The following HNRNPLL variants were observed in gnomAD, a reference collection of about 807,000 sequenced individuals.
HNRNPLL encodes heterogeneous nuclear ribonucleoprotein L like.
In HNRNPLL, 25 loss-of-function variants were observed where a neutral mutation model predicts 67.1. That is an observed-to-expected ratio of 0.37 (90% CI 0.27 to 0.52). The LOEUF is 0.52. HNRNPLL is among the 20% of genes least tolerant of loss of function. The probability of loss-of-function intolerance (pLI) is 0.90; values close to 1 mark genes in which losing one functional copy is unlikely to be tolerated. For missense variants in HNRNPLL, 542 were observed against 673.9 expected, an observed-to-expected ratio of 0.80 and a Z score of 2.17; for synonymous variants, 267 against 241.7, an observed-to-expected ratio of 1.10 and a Z score of -0.97.
chr2:38,595,034 T>G (rs994350762), intron 1 of HNRNPLL, among the ~76,000 whole-genome samples: 3 of 151,682 alleles, frequency 2.0e-5, no homozygotes, highest in Non-Finnish European at 4.4e-5. Context: ...CCTAGCACTC[T>G]GGGAGGCAGA....
chr2:38,586,782 G>T (rs1666752658), intron 2 of HNRNPLL, among the ~76,000 whole-genome samples: 1 of 152,268 alleles, frequency 6.6e-6, no homozygotes, highest in Middle Eastern at 3.4e-3. Flanking sequence ...CTATGAGCAG[G>T]AGGGTAAGAT....
At chr2:38,595,913 C>T (rs1002184863) in intron 1 of HNRNPLL, among the ~76,000 whole-genome samples, 2 of 152,154 alleles carry the variant, frequency 1.3e-5, no homozygotes, top group East Asian at 1.9e-4. Context: ...ATTATTTCAA[C>T]CTCAAGGCAG....
chr2:38,597,343 C>A (rs1312740815), intron 1 of HNRNPLL, among the ~76,000 whole-genome samples: 3 of 152,206 alleles, frequency 2.0e-5, no homozygotes, highest in Non-Finnish European at 4.4e-5. Context: ...CTTCTCCATT[C>A]TGGTAAGCTT....
Position 38,569,868 on chromosome 2 carries a change from C to T in HNRNPLL, c.1150G>A (p.Ala384Thr). 1 of 1,570,920 alleles carries T rather than the reference C, an allele frequency of 6.4e-7. No homozygotes were observed. The highest frequency in any genetic ancestry group is 8.8e-7 in the Non-Finnish European group (1 of 1,142,440). ...TALVEMGDEY[A>T]VERAVTHLNN... ...AGGTGTGTGACAGCTCTTTCTACAG[C>T]ATACTCATCACCCATTTCTACCAGT... The change falls in exon 9 of 13, where the codon GCT becomes ACT. Residue 384 changes from alanine to threonine, a missense_variant. By Grantham distance (58) the Ala-to-Thr change is moderately conservative. Transcript: ENST00000449105.
At chr2:38,585,098 A>T (rs1177077528) in intron 3 of HNRNPLL, among the ~76,000 whole-genome samples, 1 of 152,228 alleles carries the variant, frequency 6.6e-6, no homozygotes. Context: ...CTGTGTTACT[A>T]GCTTATTATG....
intron 2 of HNRNPLL, among the ~76,000 whole-genome samples, chr2:38,590,913 G>A (rs1343873616): frequency 6.6e-6 from 1 of 152,104 alleles, no homozygotes; most frequent in Non-Finnish European, 1.5e-5. Flanking sequence ...GATAAAATGG[G>A]AGGATAACCT....
At chr2:38,581,543 C>A (rs1666529765) in intron 6 of HNRNPLL, 1 of 298,526 alleles carries the variant, frequency 3.3e-6, no homozygotes, top group African/African-American at 2.2e-5. Context: ...AATGCCTCGT[C>A]CAGCTTGGGG....
chr2:38,591,944 C>T (rs758387998), intron 1 of HNRNPLL, among the ~76,000 whole-genome samples: 1 of 151,992 alleles, frequency 6.6e-6, no homozygotes, highest in African/African-American at 2.4e-5. Context: ...CCACTGCACT[C>T]CAGCCTGGGC....
At chr2:38,566,086 A>G (rs749560203) in intron 12 of HNRNPLL, 25 of 987,886 alleles carry the variant, frequency 2.5e-5, no homozygotes, top group Non-Finnish European at 3.0e-5. Flanking sequence ...AGTTTCAAAA[A>G]TTAAACTTGA....
At chr2:38,592,955 G>A (rs755854203) in intron 1 of HNRNPLL, among the ~76,000 whole-genome samples, 5 of 151,964 alleles carry the variant, frequency 3.3e-5, no homozygotes, top group South Asian at 2.1e-4. Flanking sequence ...TTATTATAAA[G>A]ACTGTTAGGA....
intron 6 of HNRNPLL, among the ~76,000 whole-genome samples, chr2:38,579,318 G>C (rs1666426137): frequency 6.6e-6 from 1 of 151,944 alleles, no homozygotes; most frequent in African/African-American, 2.4e-5. Flanking sequence ...TAAATGACGA[G>C]TTAATGGGTG....
chr2:38,598,318 T>C (rs1203909019), intron 1 of HNRNPLL, among the ~76,000 whole-genome samples: 3 of 152,152 alleles, frequency 2.0e-5, no homozygotes, highest in Non-Finnish European at 4.4e-5. Flanking sequence ...TTTACCACTA[T>C]ACAGAGAAAA....
chr2:38,598,525 T>C (rs1294369524), intron 1 of HNRNPLL, among the ~76,000 whole-genome samples: 2 of 152,230 alleles, frequency 1.3e-5, no homozygotes, highest in Non-Finnish European at 2.9e-5. Context: ...AAAGTTGTGT[T>C]CAATTTCATG....
At chr2:38,571,089 TTAGA>T (rs1284323708) in intron 8 of HNRNPLL, among the ~76,000 whole-genome samples, 9 of 151,938 alleles carry the variant, frequency 5.9e-5, no homozygotes, top group African/African-American at 9.7e-5. Context: ...TGAAAGATAA[TTAGA>T]TAGATAGAGA....
chr2:38,568,058 G>A, intron 12 of HNRNPLL, 141 bp downstream of exon 12: 1 of 593,142 alleles, frequency 1.7e-6, no homozygotes, highest in East Asian at 2.9e-5. Flanking sequence ...AACTAATACA[G>A]GAATTAATAT....
chr2:38,568,136 G>A, intron 12 of HNRNPLL, 63 bp downstream of exon 12: 2 of 965,800 alleles, frequency 2.1e-6, no homozygotes, highest in Non-Finnish European at 3.2e-6. Context: ...ATATTACCAT[G>A]AATGTTTCTG....
At chr2:38,565,317 T>C (rs1175908652) in intron 12 of HNRNPLL, among the ~76,000 whole-genome samples, 1 of 152,168 alleles carries the variant, frequency 6.6e-6, no homozygotes, top group African/African-American at 2.4e-5. Flanking sequence ...GTCTCTAAGG[T>C]ATTTCATATA....
chr2:38,602,710 C>T lies in HNRNPLL; in HGVS notation c.-84G>A. ...TCGGATGCCGCCGGCCAGTCCTCGC[C>T]GCCGGCAGCGCCTCTTCTGCGAGGG... On this transcript the variant is annotated 5_prime_UTR_variant, in exon 1 of 13. Transcript: ENST00000449105. 1 of 1,431,328 alleles carries T rather than the reference C, an allele frequency of 7.0e-7. No homozygotes were observed. The highest frequency in any genetic ancestry group is 1.5e-5 in the South Asian group (1 of 67,374). The allele number at this position is 1,431,328 out of a possible 1,614,324, so 88.7% of individuals were successfully genotyped here. A position where few individuals can be genotyped will look rare whatever the true frequency, so the allele number is the denominator to read the frequency against.
intron 8 of HNRNPLL, among the ~76,000 whole-genome samples, chr2:38,571,175 C>G (rs1573724344): frequency 6.6e-6 from 1 of 152,136 alleles, no homozygotes; most frequent in East Asian, 1.9e-4. Flanking sequence ...TATGCTTTTT[C>G]CTGTACATAC....
Sources: gnomAD v4.1 joint callset for allele counts (sites outside exome capture counted in the v4.1 genomes callset) on GRCh38, gnomAD v4.1.1 for gene constraint, MANE v1.5 for transcripts, NCBI Gene and HGNC (gene_info 2026-07-23, HGNC 2026-07-21) for gene names.